The following HSPE1 variants were observed in gnomAD, a reference collection of about 807,000 sequenced individuals.
The protein encoded by HSPE1 is heat shock protein family E (Hsp10) member 1.
In HSPE1, 1 loss-of-function variant was observed where a neutral mutation model predicts 13.2. The ratio of observed to expected loss-of-function variants is 0.08; its 90% confidence interval spans 0.03 to 0.36. The LOEUF is 0.36. Among genes scored for constraint, HSPE1 ranks in the 10% least tolerant of loss-of-function variants. HSPE1 has a pLI of 0.99. For synonymous variants in HSPE1, 44 were observed against 42.0 expected, an observed-to-expected ratio of 1.05 and a Z score of -0.19; for missense variants, 73 against 118.7, an observed-to-expected ratio of 0.62 and a Z score of 1.79.
chr2:197,501,401 T>G, intron 2 of HSPE1, 163 bp downstream of exon 2: 3 of 797,004 alleles, frequency 3.8e-6, no homozygotes, highest in Non-Finnish European at 5.8e-6. Context: ...ATGACTAATA[T>G]AAAGTTGCTT....
Position 197,501,233 on chromosome 2 carries a change from G to A in HSPE1, c.163G>A (p.Gly55Arg). 4.3e-6 allele frequency: 7 copies of A among 1,611,004 alleles called. No homozygotes were observed. Among genetic ancestry groups the A allele is most frequent in the Non-Finnish European group, 5.9e-6 (7 of 1,178,234 alleles). ...AGTCGCTGTTGGATCGGGTTCTAAA[G>A]GAAAGGTAAATGGGAGCTGCAGTGG... ...TVVAVGSGSK[G>R]KGGEIQPVSV... The change falls in exon 2 of 4, where the codon GGA becomes AGA. Residue 55 changes from glycine (G) to arginine (R), a missense_variant. Physicochemically the swap from Gly to Arg is moderately radical, Grantham distance 125. Transcript: ENST00000233893.
At chr2:197,501,745 G>A (rs1414746175) in intron 2 of HSPE1, among the ~76,000 whole-genome samples, 1 of 149,246 alleles carries the variant, frequency 6.7e-6, no homozygotes, top group Non-Finnish European at 1.5e-5. Flanking sequence ...TCCAGTATGG[G>A]GGACAGGGCG....
In HSPE1 at chr2:197,502,453, A is replaced by G. The variant is rs188706855; in HGVS notation, c.169-586A>G. On this transcript the variant is annotated intron_variant, in intron 2 of 3. Transcript: ENST00000233893. The stretch of plus-strand genomic sequence containing the variant: ...GTTGGGGCCAAATAATGTTAACTGC[A>G]TTGTTCTAGTTGCTTCTGAGGAGGA... 3.3e-5 allele frequency among the ~76,000 whole-genome samples: 5 copies of G among 152,306 alleles called. No individual in the cohort carries two copies. The East Asian group carries it at 9.6e-4, about 29-fold the overall frequency.
chr2:197,502,954 T>C (rs1169540512), intron 2 of HSPE1, 85 bp from the exon 3 acceptor site: 1 of 721,544 alleles, frequency 1.4e-6, no homozygotes, highest in African/African-American at 1.8e-5. Context: ...TGACCATGTT[T>C]CATTAGTTGT....
intron 2 of HSPE1, among the ~76,000 whole-genome samples, chr2:197,501,817 G>C (rs2086260196): frequency 6.6e-6 from 1 of 151,306 alleles, no homozygotes; most frequent in African/African-American, 2.4e-5. Flanking sequence ...AGCCTAGTGT[G>C]ATCAGTGTTT....
At chr2:197,500,919 G>C in intron 1 of HSPE1, 155 bp from the exon 2 acceptor site, 1 of 857,654 alleles carries the variant, frequency 1.2e-6, no homozygotes, top group Non-Finnish European at 1.8e-6. Context: ...TGGAATATTG[G>C]TTAGTACATT....
intron 1 of HSPE1, 191 bp downstream of exon 1, chr2:197,500,630 G>C: frequency 1.2e-6 from 1 of 812,158 alleles, no homozygotes; most frequent in South Asian, 1.7e-5. Flanking sequence ...GCACGCGCGT[G>C]TGCTGCCGGT....
chr2:197,501,648 A>C (rs958480556), intron 2 of HSPE1: 3 of 153,450 alleles, frequency 2.0e-5, no homozygotes, highest in African/African-American at 7.2e-5. Flanking sequence ...CTGTAATCCC[A>C]GCTACTGGGG....
chr2:197,500,466 G>C (rs1375598223), intron 1 of HSPE1, 27 bp downstream of exon 1: 1 of 1,589,782 alleles, frequency 6.3e-7, no homozygotes, highest in Non-Finnish European at 8.6e-7. Flanking sequence ...CCCGAGGCCT[G>C]CAGGCCCGGG....
chr2:197,500,666 G>C (rs1446136381), intron 1 of HSPE1: 1 of 645,518 alleles, frequency 1.5e-6, no homozygotes, highest in Admixed American at 2.9e-5. Flanking sequence ...GCGAGAACCC[G>C]GGCGCACGCG....
intron 1 of HSPE1, chr2:197,500,833 C>T (rs1204392734): frequency 1.8e-5 from 11 of 594,756 alleles, no homozygotes; most frequent in Admixed American, 1.8e-4. Flanking sequence ...CTAAGGTTGA[C>T]CTTAAAGCTG....
intron 2 of HSPE1, among the ~76,000 whole-genome samples, chr2:197,502,176 GCCT>G (rs2086264672): frequency 1.3e-5 from 2 of 152,146 alleles, no homozygotes; most frequent in Non-Finnish European, 2.9e-5. Flanking sequence ...CCAATCTGCA[GCCT>G]GGGACAGCTC....
intron 1 of HSPE1, 37 bp downstream of exon 1, chr2:197,500,476 G>T (rs1217867750): frequency 1.3e-6 from 2 of 1,584,684 alleles, no homozygotes; most frequent in Admixed American, 1.8e-5. Flanking sequence ...GCAGGCCCGG[G>T]CCTGTCTGAG....
intron 3 of HSPE1, 30 bp from the exon 4 acceptor site, chr2:197,503,179 G>A: frequency 6.3e-7 from 1 of 1,575,454 alleles, no homozygotes; most frequent in Non-Finnish European, 8.7e-7. Flanking sequence ...GCAATTAGTT[G>A]TCTTAACTAA....
chr2:197,502,897 C>T (rs186006149), intron 2 of HSPE1, 142 bp from the exon 3 acceptor site: 31 of 599,760 alleles, frequency 5.2e-5, no homozygotes, highest in Middle Eastern at 4.5e-4. Flanking sequence ...TAGTATGAGT[C>T]GTATCACTTA....
chr2:197,500,690 G>A, intron 1 of HSPE1: 1 of 613,144 alleles, frequency 1.6e-6, no homozygotes, highest in Admixed American at 2.9e-5. Context: ...CGTCTCACCT[G>A]CTTCTGCAGG....
intron 2 of HSPE1, 26 bp from the exon 3 acceptor site, chr2:197,503,013 C>G: frequency 2.3e-6 from 3 of 1,329,940 alleles, no homozygotes; most frequent in Non-Finnish European, 3.2e-6. Flanking sequence ...GATATCTTTG[C>G]TAATAAACAT....
At chr2:197,501,861 A>C (rs2086260848) in intron 2 of HSPE1, among the ~76,000 whole-genome samples, 1 of 151,992 alleles carries the variant, frequency 6.6e-6, no homozygotes. Flanking sequence ...AAGACAAAAG[A>C]GGCTGTGCGT....
chr2:197,502,196 C>T (rs887273446), intron 2 of HSPE1, among the ~76,000 whole-genome samples: 9 of 152,156 alleles, frequency 5.9e-5, no homozygotes, highest in African/African-American at 2.2e-4. Context: ...GCTCTGAATG[C>T]CGCCTAACGC....
Sources: allele counts gnomAD v4.1 joint callset (sites outside exome capture counted in the v4.1 genomes callset), GRCh38; gene constraint gnomAD v4.1.1; transcripts MANE v1.5; gene names NCBI Gene and HGNC (gene_info 2026-07-23, HGNC 2026-07-21).